The following TMEM161B variants were observed in gnomAD, a reference collection of about 807,000 sequenced individuals.
TMEM161B encodes transmembrane protein 161B.
TMEM161B carries 34 observed loss-of-function variants against 61.8 expected under a neutral mutation model. That is an observed-to-expected ratio of 0.55 (90% CI 0.42 to 0.73). TMEM161B has a LOEUF of 0.73. Among genes scored for constraint, TMEM161B ranks in the 30% least tolerant of loss-of-function variants. The pLI is 0.00. For missense variants in TMEM161B, 456 were observed against 558.5 expected, an observed-to-expected ratio of 0.82 and a Z score of 1.85; for synonymous variants, 167 against 192.8, an observed-to-expected ratio of 0.87 and a Z score of 1.11.
At chr5:88,191,137 C>A (rs1400249309), downstream of TMEM161B, among the ~76,000 whole-genome samples, 2 of 152,174 alleles carry the variant, frequency 1.3e-5, no homozygotes, top group Non-Finnish European at 2.9e-5. Context: ...ATCCTGACCA[C>A]AAATCTCCTT....
At position 88,207,142 on chromosome 5, in the gene TMEM161B, A is replaced by C; in HGVS notation, c.485T>G (p.Val162Gly). The change falls in exon 6 of 12, where the codon GTA (valine) becomes GGA (glycine). Residue 162 changes from valine to glycine, a missense_variant. This residue lies in a region of TMEM161B where 367 missense variants were observed against 427.3 expected (regional missense o/e 0.86). Coordinates refer to ENST00000296595, the MANE Select transcript of TMEM161B (RefSeq NM_153354.5). ...LFSLTTHYFK[V>G]EDGGERSVCV... is the part of the protein sequence containing the mutation. ...AACAGATCTTTCACCACCATCTTCT[A>C]CTTTAAAATAGTGTGTAGTTAATGA... 6.2e-7 allele frequency: 1 copy of C among 1,612,740 alleles called. No homozygotes were observed. Among genetic ancestry groups the C allele is most frequent in the Non-Finnish European group, 8.5e-7 (1 of 1,179,434 alleles).
chr5:88,265,166 A>T (rs1461065229), intron 1 of TMEM161B, among the ~76,000 whole-genome samples: 5 of 152,216 alleles, frequency 3.3e-5, no homozygotes, highest in Admixed American at 6.5e-5. Flanking sequence ...AGCGCAGAGA[A>T]GTGTTTTTTA....
chr5:88,205,371 C>T (rs1048641929), intron 8 of TMEM161B, among the ~76,000 whole-genome samples: 1 of 151,972 alleles, frequency 6.6e-6, no homozygotes, highest in African/African-American at 2.4e-5. Flanking sequence ...ACAAACACCT[C>T]TTACATACAA....
chr5:88,254,991 T>C (rs898278087), intron 1 of TMEM161B, among the ~76,000 whole-genome samples: 8 of 151,678 alleles, frequency 5.3e-5, no homozygotes, highest in South Asian at 2.1e-4. Context: ...AAAGAAAAAT[T>C]TGAAGAATAA....
chr5:88,220,727 G>GAAA lies in TMEM161B; in HGVS notation c.290-11_290-9dup, dbSNP rs764112016. 7,392 of 599,802 alleles carry GAAA rather than the reference G, an allele frequency of 0.012. 435 individuals are homozygous for GAAA. The highest frequency in any genetic ancestry group is 0.04 in the South Asian group (1,329 of 33,074). The allele number at this position is 599,802 out of a possible 1,614,324, so 37.2% of individuals were successfully genotyped here. On this transcript the variant is annotated splice_polypyrimidine_tract_variant and intron_variant, in intron 4 of 11. Transcript: ENST00000296595. ...CTGGAAAGTAATGCAATGCTGGAAAGAAAAAAAAAAAAAAAAAAAAAAAAG... is the reference window on the plus strand; with the variant it reads ...CTGGAAAGTAATGCAATGCTGGAAAGAAAAAAAAAAAAAAAAAAAAAAAAAAAG...
intron 1 of TMEM161B, among the ~76,000 whole-genome samples, chr5:88,266,028 C>T (rs971625363): frequency 6.6e-6 from 1 of 152,182 alleles, no homozygotes; most frequent in Non-Finnish European, 1.5e-5. Context: ...GGCTTTATTC[C>T]ATTAGTAAAT....
intron 2 of TMEM161B, among the ~76,000 whole-genome samples, chr5:88,238,597 C>T (rs1473269362): frequency 4.6e-5 from 7 of 151,988 alleles, no homozygotes; most frequent in African/African-American, 1.7e-4. Flanking sequence ...ACTTTATAGA[C>T]CCTAAAGAAT....
intron 1 of TMEM161B, among the ~76,000 whole-genome samples, chr5:88,255,082 G>A (rs757923209): frequency 6.6e-6 from 1 of 152,180 alleles, no homozygotes; most frequent in South Asian, 2.1e-4. Flanking sequence ...CTCTGGCAAT[G>A]TGACTAAGAG....
intron 2 of TMEM161B, 101 bp from the exon 3 acceptor site, chr5:88,228,629 G>T: frequency 1.2e-6 from 1 of 841,380 alleles, no homozygotes; most frequent in Non-Finnish European, 1.8e-6. Context: ...TGAAGACACT[G>T]TCGAGAAATA....
chr5:88,228,842 G>A (rs1750503275), intron 2 of TMEM161B, among the ~76,000 whole-genome samples: 1 of 152,118 alleles, frequency 6.6e-6, no homozygotes, highest in Non-Finnish European at 1.5e-5. Flanking sequence ...ATAAAGTGAA[G>A]TCTGTAGCCA....
intron 1 of TMEM161B, among the ~76,000 whole-genome samples, chr5:88,262,548 G>T (rs926821736): frequency 1.3e-5 from 2 of 152,024 alleles, no homozygotes; most frequent in East Asian, 3.9e-4. Context: ...ATCAGACAAT[G>T]GAATATTATT....
intron 5 of TMEM161B, among the ~76,000 whole-genome samples, chr5:88,208,752 A>G (rs1229033074): frequency 6.6e-6 from 1 of 152,226 alleles, no homozygotes; most frequent in Non-Finnish European, 1.5e-5. Flanking sequence ...TTGAGATTTA[A>G]AACTAGACAG....
At chr5:88,215,854 G>A (rs1580448930) in intron 5 of TMEM161B, among the ~76,000 whole-genome samples, 1 of 152,198 alleles carries the variant, frequency 6.6e-6, no homozygotes, top group East Asian at 1.9e-4. Flanking sequence ...AATTTCTCTG[G>A]TACATATGTA....
chr5:88,257,797 A>G (rs1032833952), intron 1 of TMEM161B, among the ~76,000 whole-genome samples: 1 of 152,228 alleles, frequency 6.6e-6, no homozygotes, highest in Non-Finnish European at 1.5e-5. Context: ...AGGAAATCAG[A>G]GTTCCAAATT....
chr5:88,212,461 G>A lies in TMEM161B; in HGVS notation c.447-5281C>T, dbSNP rs1182462200. On this transcript the variant is annotated intron_variant, in intron 5 of 11. Coordinates refer to ENST00000296595, the MANE Select transcript of TMEM161B (RefSeq NM_153354.5). ...GCTTCCAAATGATGAACAGGTTCAAGTTTTAGGTCTAAAATGGCAAATTTC... is the reference window on the plus strand; with the variant it reads ...GCTTCCAAATGATGAACAGGTTCAAATTTTAGGTCTAAAATGGCAAATTTC... Among the ~76,000 whole-genome samples, 3 of 152,160 alleles carry A rather than the reference G, an allele frequency of 2.0e-5. No homozygotes were observed. The East Asian group carries it at 5.8e-4, about 29-fold the overall frequency.
rs761010818 is a variant in TMEM161B at position 88,203,019 on chromosome 5, T to C, written c.857A>G (p.Lys286Arg). Residue 286 changes from lysine (K) to arginine (R), a missense_variant, in exon 9 of 12, where the codon AAA becomes AGA. Transcript: ENST00000296595. The stretch of plus-strand genomic sequence containing the variant: ...CATAATGTAGTCTTTGGTGATTGGT[T>C]TTACCCAGAGCAGAACCATAAATAA... ...APLFMVLLWV[K>R]PITKDYIMNP... is the part of the protein sequence containing the mutation. 2 of 1,612,096 alleles carry C rather than the reference T, an allele frequency of 1.2e-6. No homozygotes were observed.
chr5:88,215,153 CAT>C (rs1747593166), intron 5 of TMEM161B, among the ~76,000 whole-genome samples: 1 of 152,152 alleles, frequency 6.6e-6, no homozygotes, highest in Non-Finnish European at 1.5e-5. Flanking sequence ...TAACAAGGAA[CAT>C]TTCATCAGTA....
intron 5 of TMEM161B, among the ~76,000 whole-genome samples, chr5:88,212,454 G>A (rs1747004611): frequency 6.6e-6 from 1 of 152,122 alleles, no homozygotes; most frequent in Admixed American, 6.5e-5. Flanking sequence ...ATGATGAACA[G>A]GTTCAAGTTT....
chr5:88,207,942 G>A (rs1745857909), intron 5 of TMEM161B, among the ~76,000 whole-genome samples: 2 of 152,188 alleles, frequency 1.3e-5, no homozygotes, highest in South Asian at 4.1e-4. Flanking sequence ...CTATCACTTA[G>A]TACTTGCCAT....
Sources: gnomAD v4.1 joint callset for allele counts (sites outside exome capture counted in the v4.1 genomes callset) on GRCh38, gnomAD v4.1.1 for gene constraint, gnomAD v4.1.1 regional missense constraint, MANE v1.5 for transcripts, NCBI Gene and HGNC (gene_info 2026-07-23, HGNC 2026-07-21) for gene names.